Variants in FOCAD observed in about 807,000 individuals in gnomAD.
FOCAD encodes KIAA1797.
FOCAD carries 198 observed loss-of-function variants against 225.6 expected under a neutral mutation model. The ratio of observed to expected loss-of-function variants is 0.88; its 90% CI spans 0.78 to 0.99. FOCAD has a LOEUF of 0.99. FOCAD is among the 50% of genes least tolerant of loss of function. The pLI is 0.00. For missense variants in FOCAD, 2,713 were observed against 2,123.6 expected (o/e 1.28, Z -5.46); for synonymous variants, 897 against 755.0 (o/e 1.19, Z -3.08).
In FOCAD at chr9:20,801,558, C is replaced by G. The variant is rs1387349264; in HGVS notation, c.1455+11950C>G. 2.6e-5 allele frequency among the ~76,000 whole-genome samples: 4 copies of G among 152,070 alleles called. 1 individual carries two copies. In the East Asian group the frequency reaches 7.8e-4, roughly 29 times the overall value. On this transcript the variant is annotated intron_variant, in intron 11 of 43. Coordinates refer to ENST00000338382, the MANE Select transcript of FOCAD (RefSeq NM_001375567.1). ...ACTCATAATGCATAGGGAAGAGAGG[C>G]TATACCTTGTAAAAAGTCATAATAG...
At chr9:20,784,024 G>C (rs1819662332) in intron 10 of FOCAD, among the ~76,000 whole-genome samples, 1 of 152,212 alleles carries the variant, frequency 6.6e-6, no homozygotes, top group African/African-American at 2.4e-5. Context: ...GACCAAGGCA[G>C]AGTTCCCAAG....
chr9:20,816,926 G>A (rs904943863), intron 11 of FOCAD, among the ~76,000 whole-genome samples: 3 of 152,108 alleles, frequency 2.0e-5, no homozygotes, highest in South Asian at 2.1e-4. Context: ...GAAAGGATGT[G>A]CATAGGTTGT....
intron 29 of FOCAD, 130 bp from the exon 30 acceptor site, chr9:20,946,571 A>G (rs1837201763): frequency 7.3e-6 from 7 of 955,010 alleles, no homozygotes; most frequent in South Asian, 3.4e-5. Context: ...ACAGTGCCCA[A>G]TCCATGGTAA....
intron 9 of FOCAD, 69 bp downstream of exon 9, chr9:20,778,837 C>CTA (rs1459406575): frequency 3.7e-6 from 3 of 816,678 alleles, no homozygotes; most frequent in Non-Finnish European, 6.1e-6. Context: ...TTCACTTGAA[C>CTA]TATGTATCCT....
At chr9:20,704,423 A>T (rs1258113196) in intron 1 of FOCAD, among the ~76,000 whole-genome samples, 1 of 152,208 alleles carries the variant, frequency 6.6e-6, no homozygotes, top group African/African-American at 2.4e-5. Context: ...AAAAATACCA[A>T]ATGAGCTTGA....
At chr9:20,755,319 A>G (rs974232637) in intron 5 of FOCAD, among the ~76,000 whole-genome samples, 18 of 152,244 alleles carry the variant, frequency 1.2e-4, no homozygotes, top group African/African-American at 3.4e-4. Flanking sequence ...GATACTAAAT[A>G]AAATCTGCTG....
At chr9:20,993,619 A>G (rs1488496472) in intron 43 of FOCAD, among the ~76,000 whole-genome samples, 1 of 152,200 alleles carries the variant, frequency 6.6e-6, no homozygotes, top group Admixed American at 6.5e-5. Flanking sequence ...AATTTTGTAC[A>G]TGAATCAAGG....
intron 28 of FOCAD, among the ~76,000 whole-genome samples, chr9:20,941,004 C>T (rs565594467): frequency 2.6e-5 from 4 of 152,104 alleles, no homozygotes; most frequent in African/African-American, 9.6e-5. Context: ...TAACTAGACC[C>T]AGACCTGAAA....
intron 15 of FOCAD, among the ~76,000 whole-genome samples, chr9:20,825,190 A>G (rs1344427120): frequency 1.7e-5 from 2 of 116,940 alleles, no homozygotes; most frequent in Admixed American, 8.8e-5. Flanking sequence ...TGTGTTCATT[A>G]TTTGTGAAGC....
chr9:20,707,721 A>T (rs1434496131), intron 1 of FOCAD, among the ~76,000 whole-genome samples: 1 of 152,178 alleles, frequency 6.6e-6, no homozygotes, highest in Non-Finnish European at 1.5e-5. Context: ...TTGCTGTCTC[A>T]GGGGTGCCAG....
intron 32 of FOCAD, 61 bp downstream of exon 32, chr9:20,948,989 A>G (rs1322736451): frequency 6.8e-7 from 1 of 1,467,434 alleles, no homozygotes; most frequent in Non-Finnish European, 9.5e-7. Context: ...TAGCGGGAGA[A>G]GAATACCCAG....
At chr9:20,760,963 C>G (rs1212840502) in intron 6 of FOCAD, among the ~76,000 whole-genome samples, 1 of 151,524 alleles carries the variant, frequency 6.6e-6, no homozygotes, top group Non-Finnish European at 1.5e-5. Context: ...TATTTATGTT[C>G]ATTTTAATAT....
chr9:20,980,136 T>C (rs955973149), intron 37 of FOCAD, among the ~76,000 whole-genome samples: 1 of 151,310 alleles, frequency 6.6e-6, no homozygotes, highest in African/African-American at 2.4e-5. Context: ...ATAAATTATA[T>C]ATAAATTTCA....
At chr9:20,848,710 G>A (rs567342290) in intron 15 of FOCAD, among the ~76,000 whole-genome samples, 9 of 152,014 alleles carry the variant, frequency 5.9e-5, no homozygotes, top group East Asian at 1.9e-4. Flanking sequence ...GAATCATGCC[G>A]TACACATTCT....
intron 21 of FOCAD, among the ~76,000 whole-genome samples, chr9:20,887,161 C>T (rs1364536046): frequency 6.6e-6 from 1 of 152,022 alleles, no homozygotes; most frequent in Non-Finnish European, 1.5e-5. Context: ...TTCTTCAAAC[C>T]CTGCTTTTGA....
intron 11 of FOCAD, among the ~76,000 whole-genome samples, chr9:20,803,798 G>A (rs1161869441): frequency 1.3e-5 from 2 of 152,146 alleles, no homozygotes; most frequent in African/African-American, 4.8e-5. Flanking sequence ...CCCTAACTCA[G>A]TGTTGAAGGA....
At chr9:20,902,660 G>A (rs905875596) in intron 21 of FOCAD, among the ~76,000 whole-genome samples, 1 of 151,852 alleles carries the variant, frequency 6.6e-6, no homozygotes, top group Admixed American at 6.6e-5. Flanking sequence ...CTAGATCATA[G>A]TAATCTAGGC....
At chr9:20,746,117 G>A (rs567178082) in intron 5 of FOCAD, among the ~76,000 whole-genome samples, 80 of 152,312 alleles carry the variant, frequency 5.3e-4, no homozygotes, top group African/African-American at 1.9e-3. Context: ...ACTGATTTAA[G>A]TGCGCAAAGA....
intron 18 of FOCAD, among the ~76,000 whole-genome samples, chr9:20,870,721 A>T (rs988518001): frequency 6.6e-6 from 1 of 152,174 alleles, no homozygotes; most frequent in Non-Finnish European, 1.5e-5. Flanking sequence ...GTTTCTGCCC[A>T]TCTGTAGGCT....
Sources: allele counts gnomAD v4.1 joint callset (sites outside exome capture counted in the v4.1 genomes callset), GRCh38; gene constraint gnomAD v4.1.1; transcripts MANE v1.5; gene names NCBI Gene and HGNC (gene_info 2026-07-23, HGNC 2026-07-21).